Variants in MTHFD2L observed in about 807,000 individuals in gnomAD.
MTHFD2L encodes the protein bifunctional methylenetetrahydrofolate dehydrogenase/cyclohydrolase 2, mitochondrial.
A neutral mutation model predicts 34.9 loss-of-function variants in MTHFD2L; 29 were observed. That is an observed-to-expected ratio of 0.83 (90% CI 0.62 to 1.13). MTHFD2L has a LOEUF of 1.13. Ranked by LOEUF, MTHFD2L falls within the 50% of genes most tolerant of loss-of-function variation. The pLI is 0.00. For synonymous variants in MTHFD2L, 167 were observed against 155.7 expected (o/e 1.07, Z -0.54); for missense variants, 481 against 446.5 (o/e 1.08, Z -0.70).
chr4:74,277,165 T>G (rs1472084205), intron 6 of MTHFD2L, among the ~76,000 whole-genome samples: 3 of 151,514 alleles, frequency 2.0e-5, no homozygotes, highest in Non-Finnish European at 4.4e-5. Context: ...TTTTTTTTTT[T>G]TTTTCACAGA....
chr4:74,229,332 T>C (rs954759639), intron 6 of MTHFD2L, among the ~76,000 whole-genome samples: 1 of 152,194 alleles, frequency 6.6e-6, no homozygotes, highest in Non-Finnish European at 1.5e-5. Flanking sequence ...TATCATGCAT[T>C]GTGTGTGGGA....
At chr4:74,280,361 C>T (rs998036528) in intron 6 of MTHFD2L, 4 of 152,098 alleles carry the variant, frequency 2.6e-5, no homozygotes, top group African/African-American at 4.8e-5. Context: ...GAAACCAAGC[C>T]CCATGAAGAG....
chr4:74,232,197 T>TA (rs1195335032), intron 6 of MTHFD2L, among the ~76,000 whole-genome samples: 1 of 152,200 alleles, frequency 6.6e-6, no homozygotes, highest in African/African-American at 2.4e-5. Flanking sequence ...AGAAGTGACT[T>TA]ACACATGAGG....
intron 1 of MTHFD2L, 82 bp downstream of exon 1, chr4:74,158,363 G>A (rs1339166932): frequency 1.9e-6 from 2 of 1,048,238 alleles, no homozygotes; most frequent in East Asian, 1.2e-4. Context: ...GCGCGCGTGG[G>A]GCCCAAGGCT....
At chr4:74,262,731 G>T (rs540173781) in intron 6 of MTHFD2L, among the ~76,000 whole-genome samples, 1 of 152,004 alleles carries the variant, frequency 6.6e-6, no homozygotes, top group East Asian at 1.9e-4. Flanking sequence ...TCAAATGTTG[G>T]CAAGGATCCA....
intron 6 of MTHFD2L, among the ~76,000 whole-genome samples, chr4:74,235,165 A>G (rs1194470220): frequency 6.6e-6 from 1 of 152,166 alleles, no homozygotes; most frequent in East Asian, 1.9e-4. Context: ...GTCATAGGCA[A>G]CCTTTAAATA....
At chr4:74,179,515 G>T (rs976738391) in intron 3 of MTHFD2L, among the ~76,000 whole-genome samples, 5 of 152,014 alleles carry the variant, frequency 3.3e-5, no homozygotes, top group Admixed American at 6.6e-5. Flanking sequence ...GTACATTTTT[G>T]CTAGCAGAAG....
At chr4:74,245,194 C>CAAAAA (rs57639523) in intron 6 of MTHFD2L, among the ~76,000 whole-genome samples, 8 of 66,376 alleles carry the variant, frequency 1.2e-4, no homozygotes, top group African/African-American at 2.5e-4. Flanking sequence ...GACTCAGTCT[C>CAAAAA]AAAAAAAAAA....
intron 6 of MTHFD2L, among the ~76,000 whole-genome samples, chr4:74,256,908 G>C (rs1744098963): frequency 6.6e-6 from 1 of 152,056 alleles, no homozygotes; most frequent in Non-Finnish European, 1.5e-5. Flanking sequence ...TTCCAGCTTT[G>C]TTCTTTTTGC....
chr4:74,279,199 A>G (rs77345452), intron 6 of MTHFD2L, among the ~76,000 whole-genome samples: 1,757 of 152,164 alleles, frequency 0.012, 42 homozygotes, highest in African/African-American at 0.04. Context: ...TATGGCTCCT[A>G]ATTTTCAAAT....
intron 7 of MTHFD2L, among the ~76,000 whole-genome samples, chr4:74,284,772 G>T (rs1001770967): frequency 3.3e-5 from 5 of 152,144 alleles, no homozygotes; most frequent in African/African-American, 1.2e-4. Flanking sequence ...CATTGTGGAA[G>T]TCAGTGTGGC....
chr4:74,184,839 T>C (rs1185172055), intron 3 of MTHFD2L, among the ~76,000 whole-genome samples: 2 of 152,020 alleles, frequency 1.3e-5, no homozygotes, highest in Non-Finnish European at 2.9e-5. Flanking sequence ...TGGAATTAAA[T>C]TAAAAATGAG....
chr4:74,158,364 G>A, intron 1 of MTHFD2L, 83 bp downstream of exon 1: 8 of 1,042,444 alleles, frequency 7.7e-6, no homozygotes, highest in Non-Finnish European at 9.3e-6. Context: ...CGCGCGTGGG[G>A]CCCAAGGCTC....
chr4:74,123,524 A>C (rs1295121792), upstream of MTHFD2L: 1 of 151,474 alleles, frequency 6.6e-6, no homozygotes, highest in East Asian at 1.9e-4. Context: ...TATTAAAACA[A>C]AAAAAAATCC....
rs1415009089 is a variant in MTHFD2L, at chr4:74,225,414, TA to T, written c.805+21del. The T allele has an allele frequency of 1.3e-6, 2 of 1,589,032 alleles. No individual in the cohort carries two copies. The highest frequency in any genetic ancestry group is 3.4e-5 in the Admixed American group (2 of 58,980). ...CTGCAGGTAAGTCCTTAGTGACTGTTATTTTTTGGAATGTCATCAGCAGAAT... is the reference window on the plus strand; with the variant it reads ...CTGCAGGTAAGTCCTTAGTGACTGTTTTTTTTGGAATGTCATCAGCAGAAT... On this transcript the variant is annotated intron_variant, in intron 6 of 7. Coordinates refer to ENST00000325278, the MANE Select transcript of MTHFD2L (RefSeq NM_001144978.3).
Position 74,129,192 on chromosome 4 carries a change from A to C in MTHFD2L, c.-297+3675A>C, listed in dbSNP as rs1424937722. 4.6e-5 allele frequency among the ~76,000 whole-genome samples: 7 copies of C among 151,946 alleles called. No individual in the cohort carries two copies. The East Asian group carries it at 1.4e-3, about 29-fold the overall frequency. On this transcript the variant is annotated intron_variant, in intron 1 of 7. Transcript: ENST00000433372. ...AATAAAAGAGAAAACTAAAAAACAAAACTGTTCACAAGAATATTCAGGACT... is the reference window on the plus strand; with the variant it reads ...AATAAAAGAGAAAACTAAAAAACAACACTGTTCACAAGAATATTCAGGACT...
intron 6 of MTHFD2L, among the ~76,000 whole-genome samples, chr4:74,253,093 G>C (rs1043232426): frequency 1.3e-5 from 2 of 152,028 alleles, no homozygotes; most frequent in African/African-American, 4.8e-5. Context: ...AATTAATTTA[G>C]AATTTTACAC....
Position 74,180,814 on chromosome 4 carries a change from CTCCTG to C in MTHFD2L, c.451+5417_451+5421del, listed in dbSNP as rs778332609. On this transcript the variant is annotated intron_variant, in intron 3 of 7. Coordinates refer to ENST00000325278, the MANE Select transcript of MTHFD2L (RefSeq NM_001144978.3). Reference sequence around the variant, plus strand: ...ATGACCGAATGCAGATGCTTTCCTACTCCTGTCCTGACCGTGCAGAGATTCTTATC... The same window carrying C: ...ATGACCGAATGCAGATGCTTTCCTACTCCTGACCGTGCAGAGATTCTTATC... 1.0e-3 allele frequency: 338 copies of C among 329,262 alleles called. 4 individuals are homozygous for C. Among genetic ancestry groups the C allele is most frequent in the Middle Eastern group, 2.3e-3 (6 of 2,584 alleles). 20.4% of individuals were successfully genotyped at this position (329,262 alleles called of 1,614,324 possible). A position where few individuals can be genotyped will look rare whatever the true frequency, so the allele number is the denominator to read the frequency against.
At chr4:74,260,702 A>G (rs1744569550) in intron 6 of MTHFD2L, among the ~76,000 whole-genome samples, 1 of 152,186 alleles carries the variant, frequency 6.6e-6, no homozygotes, top group African/African-American at 2.4e-5. Context: ...TTCAATTTAT[A>G]AAACTACGAT....
Sources: allele counts gnomAD v4.1 joint callset (sites outside exome capture counted in the v4.1 genomes callset), GRCh38; gene constraint gnomAD v4.1.1; transcripts MANE v1.5; gene names NCBI Gene and HGNC (gene_info 2026-07-23, HGNC 2026-07-21).